Variants in MROH1 observed in about 807,000 individuals in gnomAD.
MROH1 encodes maestro heat-like repeat-containing protein family member 1.
A neutral mutation model predicts 116.5 loss-of-function variants in MROH1; 117 were observed. That is an observed-to-expected ratio of 1.00 (90% CI 0.86 to 1.17). The LOEUF is 1.17. MROH1 is among the 50% of genes most tolerant of loss of function. The probability of loss-of-function intolerance (pLI) is 0.00; values close to 1 mark genes in which losing one functional copy is unlikely to be tolerated. For missense variants in MROH1, 1,873 were observed against 1,338.5 expected (o/e 1.40, Z -6.23); for synonymous variants, 921 against 583.9 (o/e 1.58, Z -8.32).
In MROH1 at chr8:144,261,708, G is replaced by A. The variant is rs1845118325; in HGVS notation, c.4894G>A (p.Glu1632Lys). The A allele has an allele frequency of 6.9e-6, 5 of 724,842 alleles. No individual in the cohort carries two copies. Among genetic ancestry groups the A allele is most frequent in the South Asian group, 1.5e-5 (1 of 68,702 alleles). The allele number at this position is 724,842 out of a possible 1,614,324, so 44.9% of individuals were successfully genotyped here. ...PAPEVRTRAA[E>K]ALGRLVKLA The stretch of plus-strand genomic sequence containing the variant: ...CCCCGAGGTGCGGACGAGGGCTGCT[G>A]AGGCCCTGGGCCGCCTGGTGAAGCT... Residue 1632 changes from glutamate (E) to lysine (K), a missense_variant, in exon 44 of 44, where the codon GAG becomes AAG. By Grantham distance (56) the Glu-to-Lys change is moderately conservative (BLOSUM62 1). Transcript: ENST00000326134.
At position 144,189,963 on chromosome 8, in the gene MROH1, T is replaced by C. The variant is rs139239665; in HGVS notation, c.563-821T>C. 9.8e-5 allele frequency among the ~76,000 whole-genome samples: 15 copies of C among 152,314 alleles called. No homozygotes were observed. The East Asian group carries it at 2.7e-3, about 27-fold the overall frequency. ...TAGGTGGCTTCAAACAACAGAAATG[T>C]ATTTTCTCACAGTTTTGGAGACTGG... On this transcript the variant is annotated intron_variant, in intron 7 of 43. Transcript: ENST00000326134.
intron 36 of MROH1, 48 bp from the exon 37 acceptor site, chr8:144,259,192 G>T: frequency 1.4e-6 from 1 of 706,454 alleles, no homozygotes; most frequent in Non-Finnish European, 2.6e-6. Context: ...CCTGGGTAGG[G>T]TTCAGCACAG....
intron 3 of MROH1, among the ~76,000 whole-genome samples, chr8:144,165,205 C>T (rs1281082717): frequency 6.6e-6 from 1 of 151,768 alleles, no homozygotes; most frequent in Non-Finnish European, 1.5e-5. Context: ...GCAACCTCCA[C>T]CTCCTGGATT....
chr8:144,250,057 C>T (rs1424250410), intron 32 of MROH1, among the ~76,000 whole-genome samples, 155 bp from the exon 33 acceptor site: 4 of 152,216 alleles, frequency 2.6e-5, no homozygotes, highest in African/African-American at 4.8e-5. Flanking sequence ...CCGTGGCCCA[C>T]GGGGGATCCT....
At chr8:144,242,087 GCCTTGACCCTCGGCCCTCTGCTA>G (rs1841100548) in intron 22 of MROH1, 1 of 552,102 alleles carries the variant, frequency 1.8e-6, no homozygotes, top group African/African-American at 1.9e-5. Flanking sequence ...TGGCTGTGCT[GCCTTGACCCTCGGCCCTCTGCTA>G]CCTCGGCCCT....
At chr8:144,187,616 CAG>C (rs1028673313) in intron 7 of MROH1, among the ~76,000 whole-genome samples, 1 of 152,208 alleles carries the variant, frequency 6.6e-6, no homozygotes, top group African/African-American at 2.4e-5. Context: ...GTACTAGACT[CAG>C]AGGTGCCAGC....
At chr8:144,178,849 A>G (rs1410539358) in intron 4 of MROH1, among the ~76,000 whole-genome samples, 1 of 152,138 alleles carries the variant, frequency 6.6e-6, no homozygotes, top group Admixed American at 6.5e-5. Flanking sequence ...AGTTGAGGCA[A>G]GGACAGTGTG....
chr8:144,258,888 TGAG>T lies in MROH1; in HGVS notation c.3908_3910del (p.Glu1303del), dbSNP rs1197575275. The T allele has an allele frequency of 1.1e-5, 8 of 761,426 alleles. No individual in the cohort carries two copies. The highest frequency in any genetic ancestry group is 1.9e-5 in the Non-Finnish European group (8 of 410,448). 47.2% of individuals were successfully genotyped at this position (761,426 alleles called of 1,614,324 possible). On this transcript the variant is annotated inframe_deletion, in exon 36 of 44. Transcript: ENST00000326134. Reference sequence around the variant, plus strand: ...AACTGCTCAGGACCTCGGCGGGGCATGAGGAGGGGGCCACCAGGTTGGCCAGGT... The same window carrying T: ...AACTGCTCAGGACCTCGGCGGGGCATGAGGGGGCCACCAGGTTGGCCAGGT...
At chr8:144,164,933 G>T (rs569893797) in intron 3 of MROH1, among the ~76,000 whole-genome samples, 4 of 152,226 alleles carry the variant, frequency 2.6e-5, no homozygotes, top group African/African-American at 7.2e-5. Context: ...CTCTTGCTGT[G>T]TCATCTCATA....
intron 14 of MROH1, among the ~76,000 whole-genome samples, chr8:144,227,880 G>C (rs1386906980): frequency 6.6e-6 from 1 of 152,060 alleles, no homozygotes; most frequent in East Asian, 1.9e-4. Flanking sequence ...TTGAGCCCAG[G>C]GAGTCGAGGC....
chr8:144,250,170 C>T lies in MROH1; in HGVS notation c.3274-42C>T, dbSNP rs1031216990. On this transcript the variant is annotated intron_variant, in intron 32 of 43. Transcript: ENST00000326134. The stretch of plus-strand genomic sequence containing the variant: ...CTGGCGTAGGTGTGCCCACAGCTGT[C>T]CCCCACGCGTGGCCTGACCACCGTG... The T allele has an allele frequency of 2.3e-3, 1,754 of 753,024 alleles. 14 individuals are homozygous for T. Among genetic ancestry groups the T allele is most frequent in the Middle Eastern group, 2.8e-3 (8 of 2,886 alleles). The allele number at this position is 753,024 out of a possible 1,614,324, so 46.6% of individuals were successfully genotyped here. A position where few individuals can be genotyped will look rare whatever the true frequency, so the allele number is the denominator to read the frequency against.
In MROH1 at chr8:144,149,366, G is replaced by T. The variant is rs943940400; in HGVS notation, c.-177+1290G>T. 1.1e-4 allele frequency among the ~76,000 whole-genome samples: 17 copies of T among 152,238 alleles called. No homozygotes were observed. In the South Asian group the frequency reaches 3.1e-3, roughly 28 times the overall value. ...GTGTTTTTGTTAACTTGAAACTGAC[G>T]TGCAGGCCGCTGTGGCTTGTGGAGA... On this transcript the variant is annotated intron_variant, in intron 1 of 43. Coordinates refer to ENST00000326134, the MANE Select transcript of MROH1 (RefSeq NM_032450.3).
intron 14 of MROH1, among the ~76,000 whole-genome samples, chr8:144,226,699 C>T (rs1036834062): frequency 2.0e-5 from 3 of 152,134 alleles, no homozygotes; most frequent in Non-Finnish European, 4.4e-5. Flanking sequence ...GTGATCCACC[C>T]GCCTCGGCCT....
intron 14 of MROH1, among the ~76,000 whole-genome samples, chr8:144,235,037 C>T (rs1417212410): frequency 6.6e-6 from 1 of 151,730 alleles, no homozygotes; most frequent in Admixed American, 6.6e-5. Context: ...GGATTACAGG[C>T]GTGCGCCACC....
rs1588539297 is a variant in MROH1, at chr8:144,257,004, T to TGAGGCCCTGGCTCAGACCAC, written c.3791+1306_3791+1307insTGGCTCAGACCACGAGGCCC. On this transcript the variant is annotated intron_variant, in intron 35 of 43. Transcript: ENST00000326134. Reference sequence around the variant, plus strand: ...GACCATGAGGCCCTGGCTCAGACCATGAGGCCCAGCTGAACTGACTGTGGC... The same window carrying TGAGGCCCTGGCTCAGACCAC: ...GACCATGAGGCCCTGGCTCAGACCATGAGGCCCTGGCTCAGACCACGAGGCCCAGCTGAACTGACTGTGGC... Among the ~76,000 whole-genome samples, 25 of 152,116 alleles carry TGAGGCCCTGGCTCAGACCAC rather than the reference T, an allele frequency of 1.6e-4. 2 individuals are homozygous for TGAGGCCCTGGCTCAGACCAC. The highest frequency in any genetic ancestry group is 4.8e-4 in the African/African-American group (20 of 41,538).
At chr8:144,191,056 A>C in intron 8 of MROH1, 121 bp downstream of exon 8, 1 of 1,081,904 alleles carries the variant, frequency 9.2e-7, no homozygotes, top group Non-Finnish European at 1.3e-6. Flanking sequence ...GAGGTGCCCA[A>C]TGGGAGGTGG....
chr8:144,197,592 C>T (rs963397662), intron 10 of MROH1, among the ~76,000 whole-genome samples: 9 of 149,870 alleles, frequency 6.0e-5, no homozygotes, highest in African/African-American at 1.7e-4. Context: ...CCTGCAACCA[C>T]GCCTGGCTAA....
chr8:144,243,221 C>T (rs942162858), intron 24 of MROH1, among the ~76,000 whole-genome samples: 20 of 152,364 alleles, frequency 1.3e-4, no homozygotes, highest in Non-Finnish European at 2.5e-4. Flanking sequence ...CAGCACTCCC[C>T]GGAGGACTCT....
chr8:144,150,667 T>C (rs979979429), intron 1 of MROH1, among the ~76,000 whole-genome samples: 1 of 152,218 alleles, frequency 6.6e-6, no homozygotes, highest in Non-Finnish European at 1.5e-5. Flanking sequence ...CGTCACCATT[T>C]GTAGGTGGTG....
Sources: gnomAD v4.1 joint callset for allele counts (sites outside exome capture counted in the v4.1 genomes callset) on GRCh38, gnomAD v4.1.1 for gene constraint, MANE v1.5 for transcripts, NCBI Gene and HGNC (gene_info 2026-07-23, HGNC 2026-07-21) for gene names.